The following MIDEAS variants were observed in gnomAD, a reference collection of about 807,000 sequenced individuals.
MIDEAS encodes mitotic deacetylase associated SANT domain protein.
Under a neutral mutation model 102.7 loss-of-function variants are expected in MIDEAS, and 26 were observed. The ratio of observed to expected loss-of-function variants is 0.25; its 90% confidence interval spans 0.19 to 0.35. The LOEUF (loss-of-function observed/expected upper bound fraction) is 0.35, where lower values mean the gene tolerates loss of function less well. Ranked by LOEUF, MIDEAS falls within the 10% of genes least tolerant of loss-of-function variation. The pLI is 1.00. For missense variants in MIDEAS, 1,231 were observed against 1,435.6 expected, an observed-to-expected ratio of 0.86 and a Z score of 2.30; for synonymous variants, 585 against 591.0, an observed-to-expected ratio of 0.99 and a Z score of 0.15.
chr14:73,726,757 CG>C (rs766842604), intron 6 of MIDEAS, 50 bp from the exon 7 acceptor site: 2 of 1,611,354 alleles, frequency 1.2e-6, no homozygotes, highest in Non-Finnish European at 1.7e-6. Flanking sequence ...ACGTTCAGGG[CG>C]GGGCTGGGCA....
intron 1 of MIDEAS, chr14:73,758,956 A>T (rs1440806757): frequency 6.6e-6 from 1 of 152,398 alleles, no homozygotes; most frequent in Non-Finnish European, 1.5e-5. Context: ...AGCTCCACCA[A>T]GCCGGCCATA....
chr14:73,771,794 A>G (rs2053644673), intron 1 of MIDEAS, among the ~76,000 whole-genome samples: 1 of 152,220 alleles, frequency 6.6e-6, no homozygotes, highest in South Asian at 2.1e-4. Context: ...CACTTCAATT[A>G]ATATGTGCAA....
chr14:73,777,056 C>T (rs1423097350), intron 1 of MIDEAS, among the ~76,000 whole-genome samples: 1 of 146,462 alleles, frequency 6.8e-6, no homozygotes. Flanking sequence ...GGCAACAGAG[C>T]AAGACTGTCT....
chr14:73,767,668 T>C (rs1175585631), intron 1 of MIDEAS, among the ~76,000 whole-genome samples: 1 of 152,062 alleles, frequency 6.6e-6, no homozygotes, highest in Non-Finnish European at 1.5e-5. Context: ...TCTCATAAAA[T>C]AACCTACAAT....
chr14:73,732,405 G>C (rs1211984003), intron 3 of MIDEAS, among the ~76,000 whole-genome samples: 1 of 152,248 alleles, frequency 6.6e-6, no homozygotes. Flanking sequence ...GTTTTCCCTA[G>C]AGGTGAATGC....
intron 1 of MIDEAS, among the ~76,000 whole-genome samples, chr14:73,781,119 C>T (rs2053753033): frequency 6.6e-6 from 1 of 152,188 alleles, no homozygotes. Context: ...GTGCCTGACT[C>T]TTCCATTCAA....
chr14:73,760,623 T>G (rs965764506), upstream of MIDEAS, among the ~76,000 whole-genome samples: 6 of 152,234 alleles, frequency 3.9e-5, no homozygotes, highest in Admixed American at 3.3e-4. The surrounding 1 kb of genome is among the most constrained non-coding windows in gnomAD (Gnocchi z 4.8). Flanking sequence ...GTCGCTTTCT[T>G]CCACAAAGAA....
intron 1 of MIDEAS, among the ~76,000 whole-genome samples, chr14:73,755,621 G>A (rs182654403): frequency 6.6e-6 from 1 of 152,192 alleles, no homozygotes; most frequent in Non-Finnish European, 1.5e-5. Flanking sequence ...AGCACAATCT[G>A]ATCTCTGGGA....
rs369606185 is a variant in MIDEAS at position 73,752,383 on chromosome 14, G to C, written c.-248+7380C>G. Among the ~76,000 whole-genome samples, 19 of 152,282 alleles carry C rather than the reference G, an allele frequency of 1.2e-4. No homozygotes were observed. The South Asian group carries it at 3.5e-3, about 28-fold the overall frequency. On this transcript the variant is annotated intron_variant, in intron 1 of 12. Coordinates refer to ENST00000423556, the MANE Select transcript of MIDEAS (RefSeq NM_001367710.1). Reference sequence around the variant, plus strand: ...CATTCGTCTGGGGGAGGTAAAGCAGGGGGTGTAGCATGTGTGTCAAGCCTA... The same window carrying C: ...CATTCGTCTGGGGGAGGTAAAGCAGCGGGTGTAGCATGTGTGTCAAGCCTA...
intron 1 of MIDEAS, among the ~76,000 whole-genome samples, chr14:73,753,625 A>T (rs1169051511): frequency 2.0e-5 from 3 of 152,186 alleles, no homozygotes; most frequent in Admixed American, 1.3e-4. Flanking sequence ...TCAGTCTTTA[A>T]CACCTTGGAG....
intron 1 of MIDEAS, among the ~76,000 whole-genome samples, chr14:73,769,742 T>C (rs1174254208): frequency 6.6e-6 from 1 of 151,858 alleles, no homozygotes; most frequent in Non-Finnish European, 1.5e-5. Flanking sequence ...ACTGGGACTG[T>C]AGGCACGCAC....
chr14:73,746,875 T>G (rs61541715), intron 1 of MIDEAS, among the ~76,000 whole-genome samples: 28,252 of 152,148 alleles, frequency 0.19, 3,648 homozygotes, highest in East Asian at 0.64. Flanking sequence ...AGCCAGGCTC[T>G]GGGAGACACA....
chr14:73,763,917 G>A (rs1350633384), upstream of MIDEAS, among the ~76,000 whole-genome samples: 1 of 152,198 alleles, frequency 6.6e-6, no homozygotes, highest in Non-Finnish European at 1.5e-5. Context: ...CCAGGGGCTT[G>A]AGAGGATCAA....
chr14:73,750,931 T>A (rs1002861546), intron 1 of MIDEAS, among the ~76,000 whole-genome samples: 1 of 152,212 alleles, frequency 6.6e-6, no homozygotes, highest in Non-Finnish European at 1.5e-5. Context: ...AAAATTTCCA[T>A]TGAAGGTGCT....
Position 73,759,194 on chromosome 14 carries a change from C to G in MIDEAS, c.-248+569G>C, listed in dbSNP as rs911956649. On this transcript the variant is annotated intron_variant, in intron 1 of 12. Coordinates refer to ENST00000423556, the MANE Select transcript of MIDEAS (RefSeq NM_001367710.1). This position sits in a 1 kb window ranked among gnomAD's most constrained non-coding sequence, Gnocchi z 6.7. Reference sequence around the variant, plus strand: ...CCCAACGCCCCTGCACCTCTGTCCCCCAAACTCCTGGCGTGGACGCCGCGT... The same window carrying G: ...CCCAACGCCCCTGCACCTCTGTCCCGCAAACTCCTGGCGTGGACGCCGCGT... 6.6e-6 allele frequency among the ~76,000 whole-genome samples: 1 copy of G among 152,188 alleles called. No individual in the cohort carries two copies. Among genetic ancestry groups the G allele is most frequent in the Non-Finnish European group, 1.5e-5 (1 of 68,012 alleles).
Position 73,739,406 on chromosome 14 carries a change from G to A in MIDEAS, c.603C>T (p.Phe201=), listed in dbSNP as rs141626920. The A allele has an allele frequency of 7.9e-5, 125 of 1,580,400 alleles. 1 individual carries two copies. In the African/African-American group the frequency reaches 1.2e-3, roughly 15 times the overall value. ...VGRPQAPLNS[F]HAAKKPPNQS... is the part of the protein sequence containing the mutation. ...GGTTTGGGGGTTTCTTGGCTGCGTG[G>A]AAAGAATTCAGGGGTGCCTGGGGCC... Residue 201 remains phenylalanine, a synonymous_variant, in exon 2 of 13, where the codon TTC becomes TTT. Transcript: ENST00000423556.
At chr14:73,740,413 G>C (rs1244013212) in intron 1 of MIDEAS, among the ~76,000 whole-genome samples, 158 bp from the exon 2 acceptor site, 1 of 152,170 alleles carries the variant, frequency 6.6e-6, no homozygotes, top group Non-Finnish European at 1.5e-5. Flanking sequence ...GGTGAGGCAG[G>C]AGCCAGGACT....
At position 73,729,783 on chromosome 14, in the gene MIDEAS, A is replaced by G. The variant is rs1317210327; in HGVS notation, c.1952T>C (p.Leu651Pro). Residue 651 changes from leucine to proline, a missense_variant, in exon 4 of 13, where the codon CTA becomes CCA. Coordinates refer to ENST00000423556, the MANE Select transcript of MIDEAS (RefSeq NM_001367710.1). Reference sequence around the variant, plus strand: ...GATGGGGGGCGGCGTGTAGGGAGGTAGCTCAAAGCTCCGCTCAGAGGGGTG... The same window carrying G: ...GATGGGGGGCGGCGTGTAGGGAGGTGGCTCAAAGCTCCGCTCAGAGGGGTG... ...ADHPSERSFE[L>P]PPYTPPPILS... 12 of 1,613,902 alleles carry G rather than the reference A, an allele frequency of 7.4e-6. No individual in the cohort carries two copies. The highest frequency in any genetic ancestry group is 1.3e-5 in the African/African-American group (1 of 74,952).
At chr14:73,733,798 G>A (rs1441096557) in intron 3 of MIDEAS, among the ~76,000 whole-genome samples, 2 of 151,984 alleles carry the variant, frequency 1.3e-5, no homozygotes, top group African/African-American at 2.4e-5. Context: ...AGGTTCAAGC[G>A]ATTCTCTTGC....
Sources: allele counts gnomAD v4.1 joint callset (sites outside exome capture counted in the v4.1 genomes callset), GRCh38; gene constraint gnomAD v4.1.1; non-coding constraint Gnocchi (gnomAD v3.1); transcripts MANE v1.5; gene names NCBI Gene and HGNC (gene_info 2026-07-23, HGNC 2026-07-21).